GBE1: variants seen among roughly 807,000 people sequenced by gnomAD.
GBE1 encodes 1,4-alpha-glucan-branching enzyme.
GBE1 carries 70 observed loss-of-function variants against 88.8 expected under a neutral mutation model. That is an observed-to-expected ratio of 0.79 (90% CI 0.65 to 0.96). GBE1 has a LOEUF of 0.96. GBE1 is among the 40% of genes least tolerant of loss of function. The pLI, the probability that GBE1 is intolerant of heterozygous loss-of-function variation, is 0.00. For synonymous variants in GBE1, 284 were observed against 300.1 expected (o/e 0.95, Z 0.56); for missense variants, 872 against 871.0 (o/e 1.00, Z -0.01).
In GBE1 at chr3:81,493,834, GT is replaced by G. The variant is rs34052684; in HGVS notation, c.2053-3372del. On this transcript the variant is annotated intron_variant, in intron 15 of 15. Coordinates refer to ENST00000429644, the MANE Select transcript of GBE1 (RefSeq NM_000158.4). ...TGAGCCACCACACCCATCCGAGAGG[GT>G]TTTTTTTTTTAAAGGATGCCATAAC... is the stretch of plus-strand genomic sequence containing the variant. Among the ~76,000 whole-genome samples the G allele has an allele frequency of 0.3, 43,961 of 147,498 alleles. 6,597 individuals are homozygous for G. Among genetic ancestry groups the G allele is most frequent in the East Asian group, 0.43 (2,183 of 5,056 alleles).
intron 7 of GBE1, among the ~76,000 whole-genome samples, chr3:81,606,004 A>G (rs1202337980): frequency 6.6e-6 from 1 of 152,188 alleles, no homozygotes; most frequent in Non-Finnish European, 1.5e-5. Flanking sequence ...AAAGCTGTTA[A>G]CTACTACATA....
intron 12 of GBE1, among the ~76,000 whole-genome samples, chr3:81,542,782 C>G (rs1703158784): frequency 1.3e-5 from 2 of 151,990 alleles, no homozygotes; most frequent in South Asian, 4.1e-4. Context: ...ACATTCACAC[C>G]CCAAACCTCA....
intron 1 of GBE1, among the ~76,000 whole-genome samples, chr3:81,746,103 CA>C (rs1706416917): frequency 6.6e-6 from 1 of 151,954 alleles, no homozygotes; most frequent in Non-Finnish European, 1.5e-5. Flanking sequence ...TCATTTAAGT[CA>C]AATAAACAGA....
chr3:81,604,090 A>T (rs1360348543), intron 7 of GBE1, among the ~76,000 whole-genome samples: 1 of 152,136 alleles, frequency 6.6e-6, no homozygotes, highest in Non-Finnish European at 1.5e-5. Context: ...TGTGAGAGAC[A>T]ATAAGAGACA....
chr3:81,695,693 T>G (rs1191828336), intron 2 of GBE1, among the ~76,000 whole-genome samples: 2 of 151,990 alleles, frequency 1.3e-5, no homozygotes, highest in Non-Finnish European at 1.5e-5. Context: ...AAGAAAGAAA[T>G]AAAATAAATA....
intron 14 of GBE1, among the ~76,000 whole-genome samples, chr3:81,515,015 C>G (rs771141671): frequency 2.0e-5 from 3 of 150,936 alleles, no homozygotes; most frequent in Non-Finnish European, 3.0e-5. Context: ...GAAAAAAAAA[C>G]ATATATTTTG....
chr3:81,615,389 TA>T (rs1161908755), intron 7 of GBE1, among the ~76,000 whole-genome samples: 1 of 152,170 alleles, frequency 6.6e-6, no homozygotes, highest in Non-Finnish European at 1.5e-5. Flanking sequence ...ATTGTGTCAC[TA>T]GAAGGAATCC....
chr3:81,494,937 A>T (rs1702481549), intron 15 of GBE1, among the ~76,000 whole-genome samples: 1 of 152,262 alleles, frequency 6.6e-6, no homozygotes. Context: ...GCAAAATTTA[A>T]TTACACAGTT....
chr3:81,538,796 G>A (rs1375424279), intron 12 of GBE1, among the ~76,000 whole-genome samples: 1 of 152,016 alleles, frequency 6.6e-6, no homozygotes, highest in Admixed American at 6.6e-5. Context: ...TGATTTACAA[G>A]AGACTAGAAA....
In GBE1 at chr3:81,577,903, T is replaced by C. The variant is rs758390694; in HGVS notation, c.1618+22A>G. On this transcript the variant is annotated intron_variant, in intron 12 of 15. Coordinates refer to ENST00000429644, the MANE Select transcript of GBE1 (RefSeq NM_000158.4). ...GTTAACATTTTAAACACAAATTGCA[T>C]ATGTGTTTAACTCACACTTACCCAT... 5 of 1,554,726 alleles carry C rather than the reference T, an allele frequency of 3.2e-6. No homozygotes were observed. The South Asian group carries it at 6.4e-5, about 20-fold the overall frequency.
At chr3:81,535,410 T>C in intron 13 of GBE1, 85 bp from the exon 14 acceptor site, 2 of 1,347,578 alleles carry the variant, frequency 1.5e-6, no homozygotes, top group East Asian at 2.4e-5. Flanking sequence ...CTTAATAGTC[T>C]GGTTATTAAA....
intron 3 of GBE1, among the ~76,000 whole-genome samples, chr3:81,659,510 T>C (rs1704993155): frequency 6.7e-6 from 1 of 149,802 alleles, no homozygotes; most frequent in Non-Finnish European, 1.5e-5. Flanking sequence ...TAATTTTTTT[T>C]TTTTTTTTTT....
chr3:81,721,918 G>T (rs1168642796), intron 1 of GBE1, among the ~76,000 whole-genome samples: 12 of 152,128 alleles, frequency 7.9e-5, no homozygotes, highest in Admixed American at 7.9e-4. Flanking sequence ...TTCTGTACTT[G>T]TTGCACAAAT....
intron 2 of GBE1, among the ~76,000 whole-genome samples, chr3:81,686,574 C>T (rs748719940): frequency 6.6e-6 from 1 of 151,896 alleles, no homozygotes; most frequent in Non-Finnish European, 1.5e-5. Flanking sequence ...CTGACCAACA[C>T]GGAGAAACCC....
intron 2 of GBE1, among the ~76,000 whole-genome samples, chr3:81,677,982 G>C (rs1466723345): frequency 6.6e-6 from 1 of 152,058 alleles, no homozygotes. Flanking sequence ...TGTATATCTA[G>C]CTTTCTGGAA....
chr3:81,582,557 A>G lies in GBE1; in HGVS notation c.1336-1282T>C, dbSNP rs535504805. ...AGCTTGTGGTAAATTGGATATGGGA[A>G]TAATAGGAAACTAATGTATAGACCT... On this transcript the variant is annotated intron_variant, in intron 10 of 15. Coordinates refer to ENST00000429644, the MANE Select transcript of GBE1 (RefSeq NM_000158.4). Among the ~76,000 whole-genome samples, 152 of 152,204 alleles carry G rather than the reference A, an allele frequency of 1.0e-3. 1 individual carries two copies. The highest frequency in any genetic ancestry group is 3.5e-3 in the African/African-American group (144 of 41,550).
intron 1 of GBE1, among the ~76,000 whole-genome samples, chr3:81,732,833 A>G (rs1227247868): frequency 6.6e-6 from 1 of 152,130 alleles, no homozygotes; most frequent in African/African-American, 2.4e-5. Context: ...TGTCACTCAC[A>G]GTAAAAGCTA....
intron 7 of GBE1, among the ~76,000 whole-genome samples, chr3:81,635,183 G>C (rs781224379): frequency 3.9e-5 from 6 of 152,172 alleles, no homozygotes; most frequent in Admixed American, 2.6e-4. Context: ...TAATCTTGGG[G>C]AGACAGTTAA....
chr3:81,675,023 C>T (rs143939388), intron 2 of GBE1, among the ~76,000 whole-genome samples: 14 of 151,940 alleles, frequency 9.2e-5, no homozygotes, highest in African/African-American at 2.4e-4. Context: ...TTGCTGGGTC[C>T]CAGTCCTAGA....
Sources: allele counts gnomAD v4.1 joint callset (sites outside exome capture counted in the v4.1 genomes callset), GRCh38; gene constraint gnomAD v4.1.1; transcripts MANE v1.5; gene names NCBI Gene and HGNC (gene_info 2026-07-23, HGNC 2026-07-21).